Variants in RGS12 observed in about 807,000 individuals in gnomAD.
RGS12 encodes regulator of G protein signaling 12.
In RGS12, 66 loss-of-function variants were observed where a neutral mutation model predicts 120.1. The observed-to-expected ratio is 0.55, with a 90% CI of 0.45 to 0.67. The LOEUF (loss-of-function observed/expected upper bound fraction) is 0.67, where lower values mean the gene tolerates loss of function less well. RGS12 is among the 30% of genes least tolerant of loss of function. The pLI is 0.00. For synonymous variants in RGS12, 827 were observed against 804.7 expected (o/e 1.03, Z -0.47); for missense variants, 1,859 against 1,957.7 (o/e 0.95, Z 0.95).
At chr4:3,344,153 C>T (rs1713560568) in intron 3 of RGS12, among the ~76,000 whole-genome samples, 3 of 152,174 alleles carry the variant, frequency 2.0e-5, no homozygotes, top group Admixed American at 6.5e-5. Context: ...CCTGCTCTTC[C>T]AGGAGAAAAG....
rs1027803051 is a variant in RGS12, at chr4:3,372,335, AG to A, written c.1999-14078del. Among the ~76,000 whole-genome samples the A allele has an allele frequency of 1.3e-5, 2 of 152,166 alleles. No homozygotes were observed. Among genetic ancestry groups the A allele is most frequent in the Non-Finnish European group, 2.9e-5 (2 of 68,018 alleles). ...CGTTCAGCCAGCCTGTGGCTGTCAC[AG>A]GGTCCTGGGTGGGACTTTCCGGGGC... On this transcript the variant is annotated intron_variant, in intron 3 of 17. Coordinates refer to ENST00000336727, the MANE Select transcript of RGS12 (RefSeq NM_001394154.1). The surrounding 1 kb of genome is among the most constrained non-coding windows in gnomAD (Gnocchi z 4.3).
At position 3,316,390 on chromosome 4, in the gene RGS12, A is replaced by G. The variant is rs143611316; in HGVS notation, c.220A>G (p.Lys74Glu). 27 of 1,613,756 alleles carry G rather than the reference A, an allele frequency of 1.7e-5. No individual in the cohort carries two copies. Among genetic ancestry groups the G allele is most frequent in the Middle Eastern group, 1.6e-4 (1 of 6,084 alleles). Reference sequence around the variant, plus strand: ...TGCTGTCAATGAAATCAACGTGAAAAAAGCATCTCATGAAGATGTAGTGAA... The same window carrying G: ...TGCTGTCAATGAAATCAACGTGAAAGAAGCATCTCATGAAGATGTAGTGAA... The part of the protein sequence containing the change: ...ILAVNEINVK[K>E]ASHEDVVKLI... The change falls in exon 2 of 18, where the codon AAA becomes GAA. Residue 74 changes from lysine to glutamate, a missense_variant. This residue lies in a region of RGS12 where 967 missense variants were observed against 994.2 expected (regional missense o/e 0.97). Transcript: ENST00000336727.
chr4:3,296,357 G>GTT (rs1001596267), intron 1 of RGS12, among the ~76,000 whole-genome samples: 11 of 142,412 alleles, frequency 7.7e-5, no homozygotes, highest in Admixed American at 2.1e-4. Flanking sequence ...AATTTTTTCT[G>GTT]TTTTTTTTTT....
chr4:3,395,049 T>A (rs1402386112), intron 4 of RGS12, among the ~76,000 whole-genome samples: 1 of 151,926 alleles, frequency 6.6e-6, no homozygotes. Context: ...AAACATTAGC[T>A]GGATGTGGTG....
At chr4:3,326,153 A>G (rs148448436) in intron 2 of RGS12, among the ~76,000 whole-genome samples, 3,769 of 152,340 alleles carry the variant, frequency 0.025, 154 homozygotes, top group African/African-American at 0.085. Context: ...TCAACATAGT[A>G]CTGGAAGTCC....
chr4:3,350,121 A>G (rs1714221412), intron 3 of RGS12, among the ~76,000 whole-genome samples: 1 of 152,258 alleles, frequency 6.6e-6, no homozygotes, highest in African/African-American at 2.4e-5. Context: ...AGAAACTTAA[A>G]TATAGGGGTA....
intron 3 of RGS12, among the ~76,000 whole-genome samples, chr4:3,357,741 A>G (rs903944311): frequency 2.6e-4 from 39 of 152,270 alleles, no homozygotes; most frequent in Admixed American, 1.9e-3. Context: ...TCTTTTTGCC[A>G]GTGCCACACT....
chr4:3,377,950 A>C (rs1273562643), intron 3 of RGS12, among the ~76,000 whole-genome samples: 1 of 152,240 alleles, frequency 6.6e-6, no homozygotes, highest in Non-Finnish European at 1.5e-5. Flanking sequence ...ATATGTTTAA[A>C]TTGTAAGCAC....
intron 2 of RGS12, among the ~76,000 whole-genome samples, chr4:3,329,697 C>T (rs530906827): frequency 9.9e-5 from 15 of 152,166 alleles, no homozygotes; most frequent in African/African-American, 3.1e-4. Context: ...TTAGAAATGA[C>T]TGAATTAAAT....
intron 4 of RGS12, chr4:3,407,207 G>C (rs1730769): frequency 6.6e-6 from 1 of 152,114 alleles, no homozygotes; most frequent in African/African-American, 2.4e-5. Context: ...AGCTGTGCTC[G>C]GCCCGCCTTC....
chr4:3,361,237 A>G (rs1053288832), intron 3 of RGS12, among the ~76,000 whole-genome samples: 15 of 152,162 alleles, frequency 9.9e-5, no homozygotes, highest in Admixed American at 8.5e-4. Context: ...TTTAGGTTAC[A>G]TGCTTCACTG....
the RGS12 span, among the ~76,000 whole-genome samples, chr4:3,287,281 A>G: frequency 6.6e-6 from 1 of 152,178 alleles, no homozygotes; most frequent in Non-Finnish European, 1.5e-5. Flanking sequence ...TTTCTGATTT[A>G]TTTCACGTTT....
intron 2 of RGS12, among the ~76,000 whole-genome samples, chr4:3,325,093 A>C (rs1179308312): frequency 5.9e-5 from 9 of 152,168 alleles, no homozygotes; most frequent in Non-Finnish European, 2.9e-5. Flanking sequence ...AAAATGAATG[A>C]ATTTTTGGTA....
At chr4:3,402,274 G>A (rs16844276) in intron 4 of RGS12, among the ~76,000 whole-genome samples, 2,141 of 152,280 alleles carry the variant, frequency 0.014, 55 homozygotes, top group African/African-American at 0.049. Context: ...TGGCCACCAT[G>A]GCTGAGAGCA....
At position 3,416,797 on chromosome 4, in the gene RGS12, C is replaced by T. The variant is rs555017308; in HGVS notation, c.2428-116C>T. 58 of 917,314 alleles carry T rather than the reference C, an allele frequency of 6.3e-5. 1 individual carries two copies. The highest frequency in any genetic ancestry group is 3.8e-4 in the African/African-American group (23 of 60,360). 56.8% of individuals were successfully genotyped at this position (917,314 alleles called of 1,614,324 possible). A position where few individuals can be genotyped will look rare whatever the true frequency, so the allele number is the denominator to read the frequency against. On this transcript the variant is annotated intron_variant, in intron 7 of 17. Coordinates refer to ENST00000336727, the MANE Select transcript of RGS12 (RefSeq NM_001394154.1). ...GCTGGCGGGGGAAAATGGACTGAAA[C>T]GATGTCCTTTCAGGACAGGGCCAGT...
chr4:3,395,208 A>G (rs1243758218), intron 4 of RGS12, among the ~76,000 whole-genome samples: 1 of 126,782 alleles, frequency 7.9e-6, no homozygotes, highest in African/African-American at 3.8e-5. Context: ...GAGTCCATCT[A>G]AAAAAAAAAA....
intron 3 of RGS12, chr4:3,385,295 C>G (rs374604756): frequency 6.6e-6 from 1 of 152,342 alleles, no homozygotes; most frequent in African/African-American, 2.4e-5. Context: ...GGGAGGTCCC[C>G]GCAGGAAGGG....
intron 9 of RGS12, 50 bp from the exon 10 acceptor site, chr4:3,420,592 G>C (rs558696064): frequency 6.3e-7 from 1 of 1,586,968 alleles, no homozygotes; most frequent in African/African-American, 1.3e-5. Flanking sequence ...AGATGTGACC[G>C]AATAAACAGG....
chr4:3,349,335 T>A (rs1038879542), intron 3 of RGS12, among the ~76,000 whole-genome samples: 2 of 152,208 alleles, frequency 1.3e-5, no homozygotes, highest in Non-Finnish European at 2.9e-5. Flanking sequence ...ACAACAGGCA[T>A]TTTACTTTAG....
Sources: allele counts gnomAD v4.1 joint callset (sites outside exome capture counted in the v4.1 genomes callset), GRCh38; gene constraint gnomAD v4.1.1; regional missense constraint gnomAD v4.1.1; non-coding constraint Gnocchi (gnomAD v3.1); transcripts MANE v1.5; gene names NCBI Gene and HGNC (gene_info 2026-07-23, HGNC 2026-07-21).